The following GADL1 variants were observed in gnomAD, a reference collection of about 807,000 sequenced individuals.
The protein encoded by GADL1 is GAD like acidic amino acid decarboxylase 1.
GADL1 carries 71 observed loss-of-function variants against 69.5 expected under a neutral mutation model. The ratio of observed to expected loss-of-function variants is 1.02; its 90% CI spans 0.84 to 1.25. GADL1 has a LOEUF of 1.25. Ranked by LOEUF, GADL1 falls within the 50% of genes most tolerant of loss-of-function variation. The pLI is 0.00. For missense variants in GADL1, 737 were observed against 631.8 expected (o/e 1.17, Z -1.79); for synonymous variants, 254 against 214.4 (o/e 1.18, Z -1.62).
rs1553639701 is a variant in GADL1 at position 30,794,298 on chromosome 3, T to TTG, written c.1250+6590_1250+6591insCA. Among the ~76,000 whole-genome samples, 442 of 151,768 alleles carry TTG rather than the reference T, an allele frequency of 2.9e-3. 2 individuals carry two copies. Among genetic ancestry groups the TTG allele is most frequent in the Non-Finnish European group, 4.9e-3 (336 of 67,916 alleles). ...TAGCAGAGTGGGAGTTCCTGAGCTG[T>TTG]TTGTTGTTGAAAAGACTTAGACATG... On this transcript the variant is annotated intron_variant, in intron 12 of 14. Transcript: ENST00000282538.
At chr3:30,755,666 CTA>C (rs1426381149) in intron 14 of GADL1, among the ~76,000 whole-genome samples, 17 of 152,250 alleles carry the variant, frequency 1.1e-4, no homozygotes, top group African/African-American at 3.4e-4. Context: ...CCCTGTTAGA[CTA>C]TAAACTCATT....
At chr3:30,829,567 AATC>A (rs1697750633) in intron 11 of GADL1, among the ~76,000 whole-genome samples, 1 of 151,922 alleles carries the variant, frequency 6.6e-6, no homozygotes, top group African/African-American at 2.4e-5. Flanking sequence ...CTTATCAACT[AATC>A]AACTATAATT....
intron 14 of GADL1, among the ~76,000 whole-genome samples, chr3:30,763,246 C>T (rs2125486728): frequency 6.6e-6 from 1 of 152,220 alleles, no homozygotes; most frequent in East Asian, 1.9e-4. Flanking sequence ...CGCCTGTAAT[C>T]CCAGCACTTT....
rs1453000517 is a variant in GADL1, at chr3:30,834,199, C to A, written c.968+18G>T. 1.2e-6 allele frequency: 2 copies of A among 1,604,954 alleles called. No homozygotes were observed. The highest frequency in any genetic ancestry group is 4.5e-5 in the East Asian group (2 of 44,764). ...TTGCCTGACAAAAGTTGGCTGTACA[C>A]CAGGAAACTACATTTACCTGTGGAT... On this transcript the variant is annotated intron_variant, in intron 10 of 14. Coordinates refer to ENST00000282538, the MANE Select transcript of GADL1 (RefSeq NM_207359.3).
At chr3:30,810,974 A>G (rs1356559843) in intron 11 of GADL1, among the ~76,000 whole-genome samples, 1 of 152,168 alleles carries the variant, frequency 6.6e-6, no homozygotes, top group Non-Finnish European at 1.5e-5. Flanking sequence ...CAGGCACTGG[A>G]TCAGTTTATC....
chr3:30,778,165 T>C lies in GADL1; in HGVS notation c.1392+14A>G. 7.5e-7 allele frequency: 1 copy of C among 1,337,270 alleles called. No individual in the cohort carries two copies. Among genetic ancestry groups the C allele is most frequent in the South Asian group, 1.7e-5 (1 of 57,440 alleles). The allele number at this position is 1,337,270 out of a possible 1,614,324, so 82.8% of individuals were successfully genotyped here. ...CTTCATCAAAAAGAAAAATACCATT[T>C]ACTTATTACTTACCAAATTAAGTTT... On this transcript the variant is annotated intron_variant, in intron 14 of 14. Coordinates refer to ENST00000282538, the MANE Select transcript of GADL1 (RefSeq NM_207359.3).
chr3:30,825,519 G>T (rs1003888733), intron 11 of GADL1, among the ~76,000 whole-genome samples: 4 of 151,690 alleles, frequency 2.6e-5, no homozygotes, highest in African/African-American at 9.7e-5. Flanking sequence ...AGAATTATCA[G>T]GTATGTTTTA....
At chr3:30,848,564 G>A (rs1296413778) in intron 6 of GADL1, among the ~76,000 whole-genome samples, 6 of 151,706 alleles carry the variant, frequency 4.0e-5, no homozygotes, top group African/African-American at 1.5e-4. Flanking sequence ...TATCTCAGAA[G>A]GTAAGAAGCT....
intron 11 of GADL1, among the ~76,000 whole-genome samples, chr3:30,811,051 C>T (rs188493110): frequency 1.5e-3 from 224 of 152,294 alleles, no homozygotes; most frequent in Middle Eastern, 0.014. Flanking sequence ...GACTCCCCTT[C>T]CCCTTCCAGA....
chr3:30,750,927 C>A (rs1197718433), intron 14 of GADL1, among the ~76,000 whole-genome samples: 1 of 152,022 alleles, frequency 6.6e-6, no homozygotes, highest in South Asian at 2.1e-4. Context: ...AGGACATTAT[C>A]TGAAACACAA....
intron 14 of GADL1, among the ~76,000 whole-genome samples, chr3:30,759,304 C>T (rs1696063513): frequency 6.6e-6 from 1 of 152,112 alleles, no homozygotes; most frequent in Admixed American, 6.5e-5. Flanking sequence ...AGAGTATATT[C>T]TACTCCCTGC....
rs1422964079 is a variant in GADL1 at position 30,755,906 on chromosome 3, CTG to C, written c.1392+22271_1392+22272del. ...AGTCAGCTTTAAATGGCTGGTTCCT[CTG>C]TGTGAGCCACTGCTATGGTCCCTGG... On this transcript the variant is annotated intron_variant, in intron 14 of 14. Transcript: ENST00000282538. 1.2e-4 allele frequency among the ~76,000 whole-genome samples: 18 copies of C among 152,210 alleles called. No homozygotes were observed. The South Asian group carries it at 1.7e-3, about 14-fold the overall frequency.
At chr3:30,802,228 A>G (rs12630911) in intron 11 of GADL1, among the ~76,000 whole-genome samples, 13,692 of 152,158 alleles carry the variant, frequency 0.09, 1,282 homozygotes, top group African/African-American at 0.22. Context: ...TGCAATGAGC[A>G]GTCACTACCT....
intron 14 of GADL1, among the ~76,000 whole-genome samples, chr3:30,745,825 A>G (rs1695694459): frequency 6.6e-6 from 1 of 152,042 alleles, no homozygotes; most frequent in Non-Finnish European, 1.5e-5. Context: ...TCTCTGCCTG[A>G]TTTAACGTTT....
intron 3 of GADL1, among the ~76,000 whole-genome samples, chr3:30,856,263 G>A (rs964643133): frequency 1.1e-4 from 17 of 151,960 alleles, no homozygotes; most frequent in African/African-American, 2.9e-4. Context: ...GATCTTAAGC[G>A]CTAGATACCT....
At chr3:30,778,741 C>CT (rs1696593794) in intron 13 of GADL1, 1 of 153,786 alleles carries the variant, frequency 6.5e-6, no homozygotes, top group Non-Finnish European at 1.4e-5. Flanking sequence ...GCGTGACCTG[C>CT]TTGGGCTTCA....
In GADL1 at chr3:30,826,661, C is replaced by T. The variant is rs1222198106; in HGVS notation, c.1050+7192G>A. On this transcript the variant is annotated intron_variant, in intron 11 of 14. Coordinates refer to ENST00000282538, the MANE Select transcript of GADL1 (RefSeq NM_207359.3). ...ATTATAAACAGCCATTTCCAGCAAA[C>T]TGGCAGATTGTGAATGTCATTCTGT... Among the ~76,000 whole-genome samples the T allele has an allele frequency of 3.9e-4, 59 of 151,836 alleles. 1 individual carries two copies. The highest frequency in any genetic ancestry group is 2.9e-5 in the Non-Finnish European group (2 of 67,896).
In GADL1 at chr3:30,728,424, G is replaced by C. The variant is rs1695402508; in HGVS notation, c.1393-9C>G. 1.2e-6 allele frequency: 2 copies of C among 1,610,644 alleles called. No homozygotes were observed. The highest frequency in any genetic ancestry group is 1.3e-5 in the African/African-American group (1 of 74,838). ...TTAATGGCTGGGGCCACCTGTGTGGGGAGAAAAGGGGAGAGGGGTGAAAGA... is the reference window on the plus strand; with the variant it reads ...TTAATGGCTGGGGCCACCTGTGTGGCGAGAAAAGGGGAGAGGGGTGAAAGA... On this transcript the variant is annotated splice_polypyrimidine_tract_variant and intron_variant, in intron 14 of 14. Transcript: ENST00000282538.
chr3:30,822,780 A>G (rs1697608150), intron 11 of GADL1, among the ~76,000 whole-genome samples: 2 of 152,000 alleles, frequency 1.3e-5, no homozygotes, highest in South Asian at 2.1e-4. Context: ...TTCTCATTTT[A>G]TTTACATTCT....
Sources: gnomAD v4.1 joint callset for allele counts (sites outside exome capture counted in the v4.1 genomes callset) on GRCh38, gnomAD v4.1.1 for gene constraint, MANE v1.5 for transcripts, NCBI Gene and HGNC (gene_info 2026-07-23, HGNC 2026-07-21) for gene names.